CREBBP: variants seen among roughly 807,000 people sequenced by gnomAD.
The protein encoded by CREBBP is CREB binding lysine acetyltransferase, also known as CREB-binding protein.
A neutral mutation model predicts 265.0 loss-of-function variants in CREBBP; 19 were observed. The ratio of observed to expected loss-of-function variants is 0.07; its 90% confidence interval spans 0.05 to 0.11. The LOEUF is 0.11. Among genes scored for constraint, CREBBP ranks in the 10% least tolerant of loss-of-function variants. The probability of loss-of-function intolerance (pLI) is 1.00; values close to 1 mark genes in which losing one functional copy is unlikely to be tolerated. For synonymous variants in CREBBP, 1,457 were observed against 1,223.7 expected, an observed-to-expected ratio of 1.19 and a Z score of -3.98; for missense variants, 2,525 against 3,219.0, an observed-to-expected ratio of 0.78 and a Z score of 5.22.
intron 2 of CREBBP, among the ~76,000 whole-genome samples, chr16:3,820,729 G>A (rs1379282995): frequency 1.3e-5 from 2 of 152,280 alleles, no homozygotes; most frequent in South Asian, 2.1e-4. Flanking sequence ...GTGTGACGGC[G>A]TGTGCTTGTA....
chr16:3,812,166 G>C (rs1043724129), intron 2 of CREBBP, among the ~76,000 whole-genome samples: 1 of 151,642 alleles, frequency 6.6e-6, no homozygotes, highest in Admixed American at 6.6e-5. Context: ...CCACTGTACA[G>C]GTGTAAAATT....
At chr16:3,821,198 A>G (rs890554620) in intron 2 of CREBBP, among the ~76,000 whole-genome samples, 13 of 152,204 alleles carry the variant, frequency 8.5e-5, no homozygotes, top group Non-Finnish European at 1.2e-4. Flanking sequence ...GATTCTAAAA[A>G]TCTGATGACA....
Position 3,781,325 on chromosome 16 carries a change from A to G in CREBBP, c.1574-19T>C. 6.3e-7 allele frequency: 1 copy of G among 1,599,090 alleles called. No homozygotes were observed. Among genetic ancestry groups the G allele is most frequent in the Non-Finnish European group, 8.6e-7 (1 of 1,167,622 alleles). On this transcript the variant is annotated intron_variant, in intron 6 of 30. Transcript: ENST00000262367. ...TTATTTCCTTTAAAGACAGAAAAGA[A>G]ATCAATCAACAGTTAAATTTTAATA...
chr16:3,758,805 C>T, intron 17 of CREBBP, 49 bp downstream of exon 17: 1 of 1,357,682 alleles, frequency 7.4e-7, no homozygotes, highest in Admixed American at 1.7e-5. Flanking sequence ...AATGGACACT[C>T]AGAAGTCACA....
At chr16:3,873,967 AG>A (rs34786550) in intron 1 of CREBBP, among the ~76,000 whole-genome samples, 1 of 152,078 alleles carries the variant, frequency 6.6e-6, no homozygotes, top group African/African-American at 2.4e-5. Context: ...GCCCCTGGGG[AG>A]GGAAGTGCTG....
intron 2 of CREBBP, among the ~76,000 whole-genome samples, chr16:3,843,559 C>T: frequency 6.6e-6 from 1 of 151,312 alleles, no homozygotes; most frequent in East Asian, 1.9e-4. Flanking sequence ...TAGCTGAGAC[C>T]ACAGACATGT....
chr16:3,862,405 C>CA, intron 1 of CREBBP, among the ~76,000 whole-genome samples: 1 of 152,088 alleles, frequency 6.6e-6, no homozygotes, highest in East Asian at 1.9e-4. Flanking sequence ...CTACGGTAGG[C>CA]AGGCTTGCTC....
At chr16:3,846,390 T>C (rs1425229072) in intron 2 of CREBBP, among the ~76,000 whole-genome samples, 1 of 152,212 alleles carries the variant, frequency 6.6e-6, no homozygotes, top group Non-Finnish European at 1.5e-5. Flanking sequence ...TTCTGAAGAG[T>C]ATCTGAGATT....
At chr16:3,808,319 T>C (rs1363842281) in intron 3 of CREBBP, among the ~76,000 whole-genome samples, 1 of 152,240 alleles carries the variant, frequency 6.6e-6, no homozygotes, top group Non-Finnish European at 1.5e-5. Flanking sequence ...GGGGCGACTA[T>C]GCCCTGGAGA....
At position 3,837,356 on chromosome 16, in the gene CREBBP, C is replaced by T. The variant is rs542350893; in HGVS notation, c.798+12941G>A. Among the ~76,000 whole-genome samples, 103 of 152,286 alleles carry T rather than the reference C, an allele frequency of 6.8e-4. 2 individuals carry two copies. The highest frequency in any genetic ancestry group is 2.3e-3 in the African/African-American group (97 of 41,562). On this transcript the variant is annotated intron_variant, in intron 2 of 30. Transcript: ENST00000262367. Reference sequence around the variant, plus strand: ...ACTGGCCGGGCGCGGTGGCTCACACCTGTAATCCCAGCACTTCGGGAGGCC... The same window carrying T: ...ACTGGCCGGGCGCGGTGGCTCACACTTGTAATCCCAGCACTTCGGGAGGCC...
At chr16:3,819,522 G>T (rs985273924) in intron 2 of CREBBP, among the ~76,000 whole-genome samples, 1 of 152,200 alleles carries the variant, frequency 6.6e-6, no homozygotes, top group South Asian at 2.1e-4. Flanking sequence ...GTGGAGAGTG[G>T]TTCCAACATG....
intron 28 of CREBBP, among the ~76,000 whole-genome samples, chr16:3,734,532 C>T (rs745439797): frequency 1.2e-4 from 19 of 152,278 alleles, no homozygotes; most frequent in East Asian, 7.7e-4. Flanking sequence ...AAGCCTGTCT[C>T]GGACGCGGTA....
At chr16:3,849,467 GTGTGTGTGTGTGTGTGTGTGTGA>G (rs2054775700) in intron 2 of CREBBP, among the ~76,000 whole-genome samples, 1 of 130,324 alleles carries the variant, frequency 7.7e-6, no homozygotes, top group African/African-American at 2.8e-5. Context: ...GTGTGTGTGT[GTGTGTGTGTGTGTGTGTGTGTGA>G]TGTGCGTGAC....
chr16:3,845,886 C>A (rs1420954067), intron 2 of CREBBP, among the ~76,000 whole-genome samples: 9 of 73,516 alleles, frequency 1.2e-4, no homozygotes, highest in South Asian at 5.0e-4. Context: ...GACCCTATCT[C>A]AAAAAAAAAA....
chr16:3,878,499 T>A (rs1187773581), intron 1 of CREBBP, among the ~76,000 whole-genome samples: 4 of 152,230 alleles, frequency 2.6e-5, no homozygotes, highest in African/African-American at 9.6e-5. Context: ...CACTTCTACA[T>A]TAATATTAAA....
intron 2 of CREBBP, among the ~76,000 whole-genome samples, chr16:3,849,240 G>A (rs1023518990): frequency 6.6e-6 from 1 of 151,568 alleles, no homozygotes; most frequent in African/African-American, 2.4e-5. Flanking sequence ...TGTCAGTCCT[G>A]GGCTTTTCCA....
intron 1 of CREBBP, among the ~76,000 whole-genome samples, chr16:3,853,266 T>C (rs1399154189): frequency 6.6e-6 from 1 of 152,184 alleles, no homozygotes; most frequent in Admixed American, 6.5e-5. Flanking sequence ...TACTGTCTAT[T>C]ATTATTACTG....
chr16:3,864,566 T>C (rs2283482), intron 1 of CREBBP, among the ~76,000 whole-genome samples: 28,085 of 152,102 alleles, frequency 0.18, 3,331 homozygotes, highest in South Asian at 0.32. Flanking sequence ...GAGGACTGCT[T>C]GAGCCCAGGA....
intron 30 of CREBBP, among the ~76,000 whole-genome samples, chr16:3,730,354 G>C (rs1256117683): frequency 6.6e-6 from 1 of 152,124 alleles, no homozygotes; most frequent in Admixed American, 6.5e-5. Context: ...GAGGGAGGCC[G>C]GTCCCTCCCA....
Sources: allele counts gnomAD v4.1 joint callset (sites outside exome capture counted in the v4.1 genomes callset), GRCh38; gene constraint gnomAD v4.1.1; transcripts MANE v1.5; gene names NCBI Gene and HGNC (gene_info 2026-07-23, HGNC 2026-07-21).